ZNF677: variants seen among roughly 807,000 people sequenced by gnomAD.
ZNF677 encodes the protein zinc finger protein 677, also known as hypothetical protein MGC48625.
Under a neutral mutation model 8.1 loss-of-function variants are expected in ZNF677, and 5 were observed. The ratio of observed to expected loss-of-function variants is 0.62; its 90% confidence interval spans 0.32 to 1.29. The LOEUF (loss-of-function observed/expected upper bound fraction) is 1.29, where lower values mean the gene tolerates loss of function less well. ZNF677 is among the 50% of genes most tolerant of loss of function. ZNF677 has a pLI of 0.05. For synonymous variants in ZNF677, 221 were observed against 225.6 expected (o/e 0.98, Z 0.18); for missense variants, 685 against 685.9 (o/e 1.00, Z 0.01).
intron 4 of ZNF677, chr19:53,242,558 C>T (rs1476707820): frequency 7.6e-6 from 3 of 396,004 alleles, no homozygotes; most frequent in Non-Finnish European, 1.3e-5. Flanking sequence ...CCCCTTTAGA[C>T]ACATGTGGCA....
chr19:53,244,740 A>G (rs1426136875), intron 3 of ZNF677, among the ~76,000 whole-genome samples: 1 of 152,244 alleles, frequency 6.6e-6, no homozygotes, highest in African/African-American at 2.4e-5. Context: ...TTACAAAAAT[A>G]TAAGAAATAA....
rs1481981644 is a variant in ZNF677 at position 53,251,529 on chromosome 19, C to T, written c.15+7G>A. 6.2e-7 allele frequency: 1 copy of T among 1,613,342 alleles called. No homozygotes were observed. Among genetic ancestry groups the T allele is most frequent in the Non-Finnish European group, 8.5e-7 (1 of 1,179,334 alleles). The stretch of plus-strand genomic sequence containing the variant: ...ACAAAACAGTGAACCAAGAATATAA[C>T]TTTTACCTGAGAAAGAGCCATTCCC... On this transcript the variant is annotated splice_region_variant and intron_variant, in intron 3 of 4. Transcript: ENST00000598513.
intron 4 of ZNF677, chr19:53,242,450 T>C: frequency 5.0e-6 from 2 of 398,596 alleles, no homozygotes; most frequent in Non-Finnish European, 8.8e-6. Context: ...CCTAAAAGAA[T>C]GAGATATATT....
chr19:53,248,779 T>G (rs1231060812), intron 3 of ZNF677, among the ~76,000 whole-genome samples: 1 of 152,228 alleles, frequency 6.6e-6, no homozygotes, highest in Non-Finnish European at 1.5e-5. Context: ...GCTGTGGATC[T>G]CTATAAGTTT....
chr19:53,253,219 A>G (rs571591494), intron 1 of ZNF677, 63 bp from the exon 2 acceptor site: 1 of 152,320 alleles, frequency 6.6e-6, no homozygotes, highest in Non-Finnish European at 1.5e-5. Flanking sequence ...GGGGTAGAAG[A>G]AAATCCCCTG....
intron 2 of ZNF677, among the ~76,000 whole-genome samples, chr19:53,252,640 G>C (rs1209931606): frequency 6.6e-6 from 1 of 152,226 alleles, no homozygotes; most frequent in Non-Finnish European, 1.5e-5. Context: ...AAGGGGGTCA[G>C]CTGTGGAGAT....
chr19:53,239,864 A>G (rs7260595), intron 4 of ZNF677: 52,418 of 152,122 alleles, frequency 0.34, 11,283 homozygotes, highest in African/African-American at 0.61. Flanking sequence ...GAGAAAGCAC[A>G]TCTGAAAGCC....
intron 4 of ZNF677, chr19:53,241,615 T>C (rs2091050627): frequency 2.6e-6 from 1 of 379,442 alleles, no homozygotes; most frequent in Non-Finnish European, 4.7e-6. Flanking sequence ...CTAACCAGCG[T>C]TGTCACACTG....
At chr19:53,243,208 C>T in intron 4 of ZNF677, 1 of 157,388 alleles carries the variant, frequency 6.4e-6, no homozygotes, top group Non-Finnish European at 1.4e-5. Context: ...GGACTCTTTC[C>T]TGTGCTCCAA....
intron 2 of ZNF677, 141 bp from the exon 3 acceptor site, chr19:53,251,746 A>G (rs1466397950): frequency 1.7e-6 from 1 of 601,172 alleles, no homozygotes; most frequent in Non-Finnish European, 2.9e-6. Context: ...TAAACTCATG[A>G]AAAAAATTAA....
chr19:53,240,620 T>C (rs2091034663), intron 4 of ZNF677: 1 of 152,194 alleles, frequency 6.6e-6, no homozygotes, highest in Non-Finnish European at 1.5e-5. Context: ...GTTCCAACTA[T>C]ATGACATTCT....
Position 53,236,183 on chromosome 19 carries a change from G to A in ZNF677, c.*789C>T, listed in dbSNP as rs2090971459. ...GGTGCCACTGCACTCCAGCCTGGGT[G>A]ACAGAGCAAGACTCTGTCTCCAAAA... On this transcript the variant is annotated 3_prime_UTR_variant, in exon 5 of 5. Transcript: ENST00000598513. 6.6e-6 allele frequency: 1 copy of A among 152,158 alleles called. No individual in the cohort carries two copies. Among genetic ancestry groups the A allele is most frequent in the East Asian group, 1.9e-4 (1 of 5,186 alleles). 9.4% of individuals were successfully genotyped at this position (152,158 alleles called of 1,614,324 possible).
chr19:53,245,413 C>A (rs754878282), intron 3 of ZNF677, among the ~76,000 whole-genome samples: 1 of 152,064 alleles, frequency 6.6e-6, no homozygotes, highest in Non-Finnish European at 1.5e-5. Context: ...ATATAAGTAA[C>A]TCCTACAACT....
At chr19:53,241,727 A>G (rs1224769575) in intron 4 of ZNF677, 3 of 396,076 alleles carry the variant, frequency 7.6e-6, no homozygotes, top group Non-Finnish European at 1.3e-5. Context: ...CATGCAGGCT[A>G]CTCTACTCAG....
Position 53,236,835 on chromosome 19 carries a change from C to T in ZNF677, c.*137G>A. 1.3e-6 allele frequency: 1 copy of T among 741,348 alleles called. No homozygotes were observed. 45.9% of individuals were successfully genotyped at this position (741,348 alleles called of 1,614,324 possible). On this transcript the variant is annotated 3_prime_UTR_variant, in exon 5 of 5. Coordinates refer to ENST00000598513, the MANE Select transcript of ZNF677 (RefSeq NM_182609.4). ...CCACAAGGCTTGAACTTTGGATAAG[C>T]CTTGCCATACATGTTATCTTTGTGT...
At position 53,238,218 on chromosome 19, in the gene ZNF677, A is replaced by G; in HGVS notation, c.509T>C (p.Leu170Ser). ...ATACCTTATGTTATTTTTCAGTTTT[A>G]ACAAATTCCTTATAAATGGCTTGTC... The part of the protein sequence containing the change: ...IHDKPFIRNL[L>S]KLKNNIRYAG... Residue 170 changes from leucine to serine, a missense_variant, in exon 5 of 5, where the codon TTA becomes TCA. Leu to Ser is a moderately radical substitution (Grantham distance 145). Coordinates refer to ENST00000598513, the MANE Select transcript of ZNF677 (RefSeq NM_182609.4). The G allele has an allele frequency of 6.2e-7, 1 of 1,613,980 alleles. No individual in the cohort carries two copies.
intron 4 of ZNF677, chr19:53,239,079 CA>C (rs1311449080): frequency 6.6e-6 from 1 of 152,258 alleles, no homozygotes; most frequent in Non-Finnish European, 1.5e-5. Context: ...TTACAAATTG[CA>C]AATGTGAGTA....
In ZNF677 at chr19:53,237,611, C is replaced by T. The variant is rs769058077; in HGVS notation, c.1116G>A (p.Glu372=). ...LWGHERIHTG[E]KPYKCNECDK... Reference sequence around the variant, plus strand: ...CACATTCATTACATTTGTAAGGTTTCTCTCCAGTATGAATTCTTTCATGAC... The same window carrying T: ...CACATTCATTACATTTGTAAGGTTTTTCTCCAGTATGAATTCTTTCATGAC... The change falls in exon 5 of 5, where the codon GAG becomes GAA. Residue 372 remains glutamate, a synonymous_variant. Coordinates refer to ENST00000598513, the MANE Select transcript of ZNF677 (RefSeq NM_182609.4). The T allele has an allele frequency of 6.2e-7, 1 of 1,613,860 alleles. No homozygotes were observed. Among genetic ancestry groups the T allele is most frequent in the Admixed American group, 1.7e-5 (1 of 59,992 alleles).
chr19:53,238,498 A>C lies in ZNF677; in HGVS notation c.229T>G (p.Leu77Val), dbSNP rs1166214342. 6.2e-7 allele frequency: 1 copy of C among 1,602,088 alleles called. No homozygotes were observed. Among genetic ancestry groups the C allele is most frequent in the Non-Finnish European group, 8.5e-7 (1 of 1,176,806 alleles). The change falls in exon 5 of 5, where the codon TTA (leucine) becomes GTA (valine). Residue 77 changes from leucine to valine, a missense_variant. By Grantham distance (32) the Leu-to-Val change is conservative. Transcript: ENST00000598513. ...CTTTCTAATATCACCAGATGGTATAATTCCTCTTTATTATTTTCCTTTGGT... is the reference window on the plus strand; with the variant it reads ...CTTTCTAATATCACCAGATGGTATACTTCCTCTTTATTATTTTCCTTTGGT... ...LSPKENNKEE[L>V]YHLVILERKE...
Sources: allele counts gnomAD v4.1 joint callset (sites outside exome capture counted in the v4.1 genomes callset), GRCh38; gene constraint gnomAD v4.1.1; transcripts MANE v1.5; gene names NCBI Gene and HGNC (gene_info 2026-07-23, HGNC 2026-07-21).